UVRAG: variants seen among roughly 807,000 people sequenced by gnomAD.
UVRAG encodes the protein UV radiation resistance associated.
Under a neutral mutation model 78.0 loss-of-function variants are expected in UVRAG, and 19 were observed. The observed-to-expected ratio is 0.24, with a 90% CI of 0.17 to 0.36. UVRAG has a LOEUF of 0.36. Ranked by LOEUF, UVRAG falls within the 10% of genes least tolerant of loss-of-function variation. The pLI, the probability that UVRAG is intolerant of heterozygous loss-of-function variation, is 1.00. For missense variants in UVRAG, 740 were observed against 853.8 expected, an observed-to-expected ratio of 0.87 and a Z score of 1.66; for synonymous variants, 323 against 324.6, an observed-to-expected ratio of 1.00 and a Z score of 0.05.
chr11:76,058,403 C>T (rs1565141627), intron 12 of UVRAG, among the ~76,000 whole-genome samples: 1 of 151,696 alleles, frequency 6.6e-6, no homozygotes, highest in Non-Finnish European at 1.5e-5. Flanking sequence ...TGTGGTAGTG[C>T]ACACCTGCAG....
chr11:75,944,288 G>C (rs1948545403), intron 6 of UVRAG, among the ~76,000 whole-genome samples: 1 of 152,064 alleles, frequency 6.6e-6, no homozygotes, highest in East Asian at 1.9e-4. Context: ...AGTTATCTTA[G>C]ACTAATGTAT....
intron 1 of UVRAG, among the ~76,000 whole-genome samples, chr11:75,831,269 A>C (rs1945648273): frequency 6.6e-6 from 1 of 152,124 alleles, no homozygotes; most frequent in East Asian, 1.9e-4. Flanking sequence ...CGGGCAGATC[A>C]CGAGGTCAAG....
intron 4 of UVRAG, among the ~76,000 whole-genome samples, chr11:75,882,837 A>G (rs1946982012): frequency 6.6e-6 from 1 of 152,204 alleles, no homozygotes; most frequent in Non-Finnish European, 1.5e-5. Context: ...AGAACAGTGC[A>G]TATAATATAT....
At chr11:75,937,620 C>G (rs1342451646) in intron 6 of UVRAG, among the ~76,000 whole-genome samples, 4 of 152,104 alleles carry the variant, frequency 2.6e-5, no homozygotes, top group African/African-American at 7.2e-5. Flanking sequence ...ATCTGTCATT[C>G]TAGTATCCTC....
In UVRAG at chr11:76,142,700, G is replaced by A. The variant is rs1029487760; in HGVS notation, c.*1287G>A. The A allele has an allele frequency of 5.3e-5, 8 of 151,996 alleles. No individual in the cohort carries two copies. Among genetic ancestry groups the A allele is most frequent in the Admixed American group, 4.6e-4 (7 of 15,256 alleles). 9.4% of individuals were successfully genotyped at this position (151,996 alleles called of 1,614,324 possible). A position where few individuals can be genotyped will look rare whatever the true frequency, so the allele number is the denominator to read the frequency against. ...GCTTGGAAATTCCTCTTGAACCTAC[G>A]TCTCCATATGTCACATCATGACAGG... On this transcript the variant is annotated 3_prime_UTR_variant, in exon 15 of 15. Coordinates refer to ENST00000356136, the MANE Select transcript of UVRAG (RefSeq NM_003369.4).
chr11:75,975,544 A>G (rs899467812), intron 7 of UVRAG, among the ~76,000 whole-genome samples: 9 of 151,978 alleles, frequency 5.9e-5, no homozygotes, highest in African/African-American at 2.2e-4. Context: ...TATTTTGTTG[A>G]GCAGTGGTTT....
intron 1 of UVRAG, among the ~76,000 whole-genome samples, chr11:75,820,342 C>T (rs1191512037): frequency 1.3e-5 from 2 of 148,194 alleles, no homozygotes; most frequent in African/African-American, 5.0e-5. Flanking sequence ...TACTCTATAC[C>T]TAGTTTCACT....
At chr11:76,060,534 G>A (rs1014617306) in intron 12 of UVRAG, among the ~76,000 whole-genome samples, 5 of 152,256 alleles carry the variant, frequency 3.3e-5, no homozygotes, top group Admixed American at 6.5e-5. Flanking sequence ...GGCCGGAGCC[G>A]GCTCCTTCAG....
chr11:75,964,343 G>A (rs898875026), intron 7 of UVRAG, among the ~76,000 whole-genome samples: 10 of 152,144 alleles, frequency 6.6e-5, no homozygotes, highest in African/African-American at 2.4e-4. Context: ...ATGTTAAGTA[G>A]AATTTGCATT....
chr11:75,980,092 CT>C (rs1008933899), intron 7 of UVRAG: 21 of 150,084 alleles, frequency 1.4e-4, no homozygotes, highest in African/African-American at 2.4e-4. Context: ...CCAACTAGAC[CT>C]TTTTTTTTTC....
In UVRAG at chr11:76,141,133, G is replaced by C. The variant is rs1952715238; in HGVS notation, c.1820G>C (p.Gly607Ala). The C allele has an allele frequency of 6.2e-7, 1 of 1,614,140 alleles. No individual in the cohort carries two copies. The highest frequency in any genetic ancestry group is 1.1e-5 in the South Asian group (1 of 91,084). Residue 607 changes from glycine to alanine, a missense_variant, in exon 15 of 15, where the codon GGG becomes GCG. Coordinates refer to ENST00000356136, the MANE Select transcript of UVRAG (RefSeq NM_003369.4). Reference protein sequence around the residue: ...NGTLLPSEQAGSASVQLPGEF... With the variant: ...NGTLLPSEQAASASVQLPGEF... The stretch of plus-strand genomic sequence containing the variant: ...ACTCTCCTACCCAGCGAGCAGGCCG[G>C]GTCCGCCAGTGTCCAGCTTCCAGGC...
At chr11:75,867,953 A>G (rs1226371744) in intron 3 of UVRAG, among the ~76,000 whole-genome samples, 1 of 151,830 alleles carries the variant, frequency 6.6e-6, no homozygotes, top group East Asian at 1.9e-4. Flanking sequence ...AGATACAATG[A>G]CACTGGATGA....
chr11:76,005,584 A>G (rs1949919785), intron 9 of UVRAG, among the ~76,000 whole-genome samples: 1 of 152,152 alleles, frequency 6.6e-6, no homozygotes, highest in Admixed American at 6.5e-5. Context: ...GCAGACCCTC[A>G]CTGTATGTCT....
chr11:75,922,469 A>G (rs1273305586), intron 6 of UVRAG, among the ~76,000 whole-genome samples: 1 of 152,128 alleles, frequency 6.6e-6, no homozygotes, highest in Admixed American at 6.5e-5. Flanking sequence ...ACACATTATC[A>G]TCAGTAAAAG....
chr11:76,018,241 C>T (rs561225501), intron 12 of UVRAG, among the ~76,000 whole-genome samples: 53 of 151,026 alleles, frequency 3.5e-4, no homozygotes, highest in African/African-American at 1.3e-3. Context: ...TGTAACATCA[C>T]TCTCTCCTGT....
intron 6 of UVRAG, among the ~76,000 whole-genome samples, chr11:75,929,959 A>G (rs1276542377): frequency 2.6e-5 from 4 of 152,196 alleles, no homozygotes; most frequent in Non-Finnish European, 5.9e-5. Flanking sequence ...CTGTACCCAT[A>G]TTGCACATAG....
At chr11:75,965,718 T>C (rs1215739449) in intron 7 of UVRAG, among the ~76,000 whole-genome samples, 1 of 152,232 alleles carries the variant, frequency 6.6e-6, no homozygotes, top group Non-Finnish European at 1.5e-5. Context: ...TTTTTATTTC[T>C]CATTCGTTTG....
chr11:75,922,075 A>G (rs1440170824), intron 6 of UVRAG, among the ~76,000 whole-genome samples: 1 of 152,134 alleles, frequency 6.6e-6, no homozygotes, highest in Non-Finnish European at 1.5e-5. Context: ...ATCCTACTTT[A>G]AAAGACCAAT....
At chr11:75,859,177 C>T (rs1205174418) in intron 2 of UVRAG, among the ~76,000 whole-genome samples, 3 of 152,054 alleles carry the variant, frequency 2.0e-5, no homozygotes, top group Non-Finnish European at 4.4e-5. Context: ...GAGTTCAAGA[C>T]GAGCCTGGCC....
Sources: gnomAD v4.1 joint callset for allele counts (sites outside exome capture counted in the v4.1 genomes callset) on GRCh38, gnomAD v4.1.1 for gene constraint, MANE v1.5 for transcripts, NCBI Gene and HGNC (gene_info 2026-07-23, HGNC 2026-07-21) for gene names.